Variants in MYCBP2 observed in about 807,000 individuals in gnomAD.
MYCBP2 encodes the protein MYC binding protein 2.
Under a neutral mutation model 525.3 loss-of-function variants are expected in MYCBP2, and 120 were observed. The observed-to-expected ratio is 0.23, with a 90% CI of 0.20 to 0.27. The LOEUF (loss-of-function observed/expected upper bound fraction) is 0.27. Ranked by LOEUF, MYCBP2 falls within the 10% of genes least tolerant of loss-of-function variation. The pLI is 1.00. For synonymous variants in MYCBP2, 1,894 were observed against 1,955.8 expected, an observed-to-expected ratio of 0.97 and a Z score of 0.83; for missense variants, 4,149 against 5,657.1, an observed-to-expected ratio of 0.73 and a Z score of 8.55.
intron 21 of MYCBP2, among the ~76,000 whole-genome samples, chr13:77,213,942 G>T (rs1021143142): frequency 2.0e-5 from 3 of 152,242 alleles, no homozygotes; most frequent in Admixed American, 1.3e-4. Flanking sequence ...GCAAACCTGA[G>T]CATGTGCAAA....
At chr13:77,273,987 A>T (rs1454408009) in intron 4 of MYCBP2, among the ~76,000 whole-genome samples, 1 of 152,206 alleles carries the variant, frequency 6.6e-6, no homozygotes, top group African/African-American at 2.4e-5. Flanking sequence ...TACTTGTCAT[A>T]CTTATTTTAC....
At chr13:77,212,416 C>T (rs1025083394) in intron 21 of MYCBP2, among the ~76,000 whole-genome samples, 20 of 152,036 alleles carry the variant, frequency 1.3e-4, no homozygotes, top group African/African-American at 2.9e-4. Context: ...ATATTTTCCA[C>T]GCAAGAAGTA....
intron 3 of MYCBP2, among the ~76,000 whole-genome samples, chr13:77,281,007 G>A (rs574617384): frequency 3.3e-5 from 5 of 152,262 alleles, no homozygotes; most frequent in South Asian, 4.2e-4. Context: ...ATGGATTATT[G>A]CACAGAGGTA....
Position 77,144,496 on chromosome 13 carries a change from C to T in MYCBP2, c.7252G>A (p.Gly2418Arg). The T allele has an allele frequency of 6.2e-7, 1 of 1,613,932 alleles. No individual in the cohort carries two copies. The highest frequency in any genetic ancestry group is 8.5e-7 in the Non-Finnish European group (1 of 1,179,890). Residue 2418 changes from glycine (G) to arginine (R), a missense_variant, in exon 49 of 83, where the codon GGG becomes AGG. By Grantham distance (125) the Gly-to-Arg change is moderately radical. Transcript: ENST00000544440. ...DGTYCANWTP[G>R]AIGLYTLHVT... The stretch of plus-strand genomic sequence containing the variant: ...TGAAGAGTGTAGAGTCCAATAGCCC[C>T]TGGAGTCCAATTTGCACAATAAGTC...
In MYCBP2 at chr13:77,059,620, G is replaced by A; in HGVS notation, c.13043C>T (p.Pro4348Leu). ...MVEFREHTGK[P>L]TTSSSEACRF... ...ACATGCTTCTGAGCTACTCGTGGTG[G>A]GTTTGCCTAGGTTCAAGCAGAAAAA... Residue 4348 changes from proline (P) to leucine (L), a missense_variant, in exon 77 of 83, where the codon CCC becomes CTC. Physicochemically the swap from Pro to Leu is moderately conservative, Grantham distance 98. Around this residue, in one of 21 missense-constraint regions of MYCBP2, gnomAD observed 220 missense variants for 396.0 expected, o/e 0.56. Transcript: ENST00000544440. 3 of 1,612,100 alleles carry A rather than the reference G, an allele frequency of 1.9e-6. No homozygotes were observed. The highest frequency in any genetic ancestry group is 2.5e-6 in the Non-Finnish European group (3 of 1,178,296).
chr13:77,193,396 C>T (rs7995223), intron 27 of MYCBP2, among the ~76,000 whole-genome samples: 4,050 of 152,164 alleles, frequency 0.027, 194 homozygotes, highest in African/African-American at 0.091. Flanking sequence ...TTACGATCAT[C>T]CTTGTTTCTG....
At chr13:77,213,857 C>T (rs929159313) in intron 21 of MYCBP2, among the ~76,000 whole-genome samples, 1 of 152,194 alleles carries the variant, frequency 6.6e-6, no homozygotes, top group Non-Finnish European at 1.5e-5. Context: ...AAGGAGACAG[C>T]GGGTGTCATG....
intron 5 of MYCBP2, 100 bp downstream of exon 5, chr13:77,273,372 G>C: frequency 1.0e-6 from 1 of 972,562 alleles, no homozygotes; most frequent in African/African-American, 1.6e-5. Flanking sequence ...TTAAGCTACT[G>C]TAATGAGTGA....
chr13:77,054,867 C>T (rs549937008), intron 80 of MYCBP2, among the ~76,000 whole-genome samples: 79 of 152,212 alleles, frequency 5.2e-4, no homozygotes, highest in African/African-American at 1.8e-3. Flanking sequence ...TCCCAAAGTG[C>T]TGGGATTACA....
chr13:77,053,320 C>A (rs2037219589), intron 80 of MYCBP2, among the ~76,000 whole-genome samples: 1 of 151,970 alleles, frequency 6.6e-6, no homozygotes, highest in African/African-American at 2.4e-5. Flanking sequence ...TGTATTTGCC[C>A]TGGGCAGAGA....
chr13:77,059,519 T>G lies in MYCBP2; in HGVS notation c.13140+4A>C, dbSNP rs186942015. 1.9e-6 allele frequency: 3 copies of G among 1,607,244 alleles called. No individual in the cohort carries two copies. Among genetic ancestry groups the G allele is most frequent in the Non-Finnish European group, 2.6e-6 (3 of 1,173,762 alleles). On this transcript the variant is annotated splice_donor_region_variant and intron_variant, in intron 77 of 82. Coordinates refer to ENST00000544440, the MANE Select transcript of MYCBP2 (RefSeq NM_015057.5). ...TGGGATGGCCTGTGTCACTATATAC[T>G]CACCTGGCAATCTGCATCAGAACAA...
At chr13:77,225,966 A>T (rs552484754) in intron 18 of MYCBP2, among the ~76,000 whole-genome samples, 8 of 152,356 alleles carry the variant, frequency 5.3e-5, no homozygotes, top group Middle Eastern at 6.8e-3. Context: ...AGCCATTTTT[A>T]AAAAATTGCT....
At chr13:77,068,947 T>C (rs2040644470) in intron 69 of MYCBP2, 116 bp from the exon 70 acceptor site, 3 of 993,732 alleles carry the variant, frequency 3.0e-6, no homozygotes, top group African/African-American at 1.7e-5. Context: ...CTCAATTTAA[T>C]ACTATTCTCC....
intron 16 of MYCBP2, 99 bp downstream of exon 16, chr13:77,243,707 C>T: frequency 2.9e-6 from 3 of 1,040,998 alleles, no homozygotes; most frequent in East Asian, 2.8e-5. Flanking sequence ...AATTATTATC[C>T]TAATTTATTA....
In MYCBP2 at chr13:77,058,715, C is replaced by G. The variant is rs1057140555; in HGVS notation, c.13141-309G>C. Among the ~76,000 whole-genome samples, 1 of 151,876 alleles carries G rather than the reference C, an allele frequency of 6.6e-6. No individual in the cohort carries two copies. The highest frequency in any genetic ancestry group is 1.5e-5 in the Non-Finnish European group (1 of 67,960). Reference sequence around the variant, plus strand: ...AAGCAAAAAGTTCCTGGCTGGGAGTCGTGGCTTACACCTGTAATCCCAGCA... The same window carrying G: ...AAGCAAAAAGTTCCTGGCTGGGAGTGGTGGCTTACACCTGTAATCCCAGCA... On this transcript the variant is annotated intron_variant, in intron 77 of 82. Coordinates refer to ENST00000544440, the MANE Select transcript of MYCBP2 (RefSeq NM_015057.5). The surrounding 1 kb of genome is among the most constrained non-coding windows in gnomAD (Gnocchi z 4.1).
chr13:77,305,072 A>G (rs1220605866), intron 1 of MYCBP2, among the ~76,000 whole-genome samples: 1 of 152,102 alleles, frequency 6.6e-6, no homozygotes, highest in Non-Finnish European at 1.5e-5. Flanking sequence ...ATTCTTCCAA[A>G]TACTTTAAAA....
intron 47 of MYCBP2, 120 bp downstream of exon 47, chr13:77,150,614 T>C: frequency 2.6e-6 from 2 of 756,754 alleles, no homozygotes; most frequent in Admixed American, 5.1e-5. Context: ...GCTGCAAATT[T>C]AATATCCATC....
In MYCBP2 at chr13:77,326,583, G is replaced by C. The variant is rs1477740312; in HGVS notation, c.193C>G (p.Gln65Glu). ...AGGGCCCGGCCTGACAGCAGCAGCT[G>C]GTAGTGACCCCGGGAGTCCGCGGCG... ...LPAADSRGHYQLLLSGRALAD... is the reference protein window; with the variant it reads ...LPAADSRGHYELLLSGRALAD... The change falls in exon 1 of 83, where the codon CAG (glutamine) becomes GAG (glutamate). Residue 65 changes from glutamine (Q) to glutamate (E), a missense_variant. Physicochemically the swap from Gln to Glu is conservative, Grantham distance 29 (BLOSUM62 2). Transcript: ENST00000544440. This position sits in a 1 kb window ranked among gnomAD's most constrained non-coding sequence, Gnocchi z 4.2. 3 of 1,596,316 alleles carry C rather than the reference G, an allele frequency of 1.9e-6. No homozygotes were observed. The African/African-American group carries it at 4.1e-5, about 22-fold the overall frequency.
At chr13:77,299,128 C>G (rs1055344453) in intron 1 of MYCBP2, among the ~76,000 whole-genome samples, 27 of 152,068 alleles carry the variant, frequency 1.8e-4, no homozygotes, top group African/African-American at 6.0e-4. Context: ...ATAAAAGCAT[C>G]AAAATTTATT....
Sources: allele counts gnomAD v4.1 joint callset (sites outside exome capture counted in the v4.1 genomes callset), GRCh38; gene constraint gnomAD v4.1.1; regional missense constraint gnomAD v4.1.1; non-coding constraint Gnocchi (gnomAD v3.1); transcripts MANE v1.5; gene names NCBI Gene and HGNC (gene_info 2026-07-23, HGNC 2026-07-21).